Variants in IRAK1BP1 observed in about 807,000 individuals in gnomAD.
The protein encoded by IRAK1BP1 is interleukin-1 receptor-associated kinase 1-binding protein 1.
IRAK1BP1 carries 24 observed loss-of-function variants against 28.0 expected under a neutral mutation model. The observed-to-expected ratio is 0.86, with a 90% CI of 0.62 to 1.20. The LOEUF is 1.20. Ranked by LOEUF, IRAK1BP1 falls within the 50% of genes most tolerant of loss-of-function variation. The pLI is 0.00. For synonymous variants in IRAK1BP1, 131 were observed against 116.3 expected, an observed-to-expected ratio of 1.13 and a Z score of -0.81; for missense variants, 336 against 316.7, an observed-to-expected ratio of 1.06 and a Z score of -0.46.
downstream of IRAK1BP1, among the ~76,000 whole-genome samples, chr6:78,906,612 C>G (rs192960721): frequency 1.9e-4 from 29 of 152,258 alleles, no homozygotes; most frequent in African/African-American, 7.0e-4. Flanking sequence ...AATTTATTGA[C>G]TCACATTCCT....
downstream of IRAK1BP1, among the ~76,000 whole-genome samples, chr6:78,948,248 T>C (rs1773936656): frequency 6.6e-6 from 1 of 152,036 alleles, no homozygotes; most frequent in African/African-American, 2.4e-5. Context: ...AATCTCAACT[T>C]CAGTACTAAA....
At chr6:78,884,251 G>A (rs1253018220) in intron 1 of IRAK1BP1, among the ~76,000 whole-genome samples, 1 of 152,026 alleles carries the variant, frequency 6.6e-6, no homozygotes, top group Admixed American at 6.6e-5. Context: ...TTAAAATTTA[G>A]ATGCAACCAT....
downstream of IRAK1BP1, among the ~76,000 whole-genome samples, chr6:78,906,714 G>GT (rs985165211): frequency 2.6e-5 from 4 of 151,964 alleles, no homozygotes; most frequent in East Asian, 1.9e-4. Context: ...TTGGATTAGG[G>GT]TTTTTTTTCC....
the IRAK1BP1 span, among the ~76,000 whole-genome samples, chr6:78,973,001 C>T: frequency 1.3e-5 from 2 of 152,056 alleles, no homozygotes; most frequent in Non-Finnish European, 2.9e-5. Flanking sequence ...GGCAGGCCAA[C>T]GTTGAGATTC....
At chr6:78,931,257 T>C (rs1049532599) in intron 4 of IRAK1BP1, among the ~76,000 whole-genome samples, 1 of 151,886 alleles carries the variant, frequency 6.6e-6, no homozygotes, top group Non-Finnish European at 1.5e-5. Flanking sequence ...AATCCATCAA[T>C]CAATAAATGC....
intron 4 of IRAK1BP1, chr6:78,936,634 C>T (rs1773280252): frequency 6.6e-6 from 1 of 151,842 alleles, no homozygotes; most frequent in Non-Finnish European, 1.5e-5. Context: ...AGTATTTCAA[C>T]ACAGAGCTAT....
chr6:78,905,729 G>A (rs1422705144), downstream of IRAK1BP1, among the ~76,000 whole-genome samples: 3 of 152,112 alleles, frequency 2.0e-5, no homozygotes, highest in Non-Finnish European at 4.4e-5. Context: ...AGCCTCTCGA[G>A]TAGCTGGGAC....
downstream of IRAK1BP1, chr6:78,946,519 T>C: frequency 7.2e-7 from 1 of 1,383,060 alleles, no homozygotes; most frequent in Non-Finnish European, 9.3e-7. Flanking sequence ...GATTTAGCAG[T>C]TTGAATTTAA....
At chr6:78,868,105 G>A (rs1023208525) in intron 1 of IRAK1BP1, among the ~76,000 whole-genome samples, 1 of 152,192 alleles carries the variant, frequency 6.6e-6, no homozygotes, top group African/African-American at 2.4e-5. Context: ...ATTGGCCTCA[G>A]GCAAATTAAA....
At chr6:78,935,605 A>C in intron 4 of IRAK1BP1, 1 of 978,492 alleles carries the variant, frequency 1.0e-6, no homozygotes, top group South Asian at 4.7e-5. Flanking sequence ...TTAAATGTAC[A>C]CATAAAAAGG....
chr6:78,926,881 T>C (rs1772904081), intron 4 of IRAK1BP1, among the ~76,000 whole-genome samples: 1 of 152,168 alleles, frequency 6.6e-6, no homozygotes, highest in East Asian at 1.9e-4. Context: ...CAGGATCTTA[T>C]TCTTTCGTAT....
At chr6:78,904,956 G>A (rs957139848), downstream of IRAK1BP1, among the ~76,000 whole-genome samples, 6 of 151,946 alleles carry the variant, frequency 3.9e-5, no homozygotes, top group African/African-American at 9.7e-5. Flanking sequence ...GATTCATGTC[G>A]TCCACAAAGA....
the IRAK1BP1 span, among the ~76,000 whole-genome samples, chr6:78,971,878 A>C: frequency 5.3e-5 from 8 of 152,076 alleles, no homozygotes; most frequent in African/African-American, 1.9e-4. Flanking sequence ...GGAGGGTCCT[A>C]CCCCACGGAG....
downstream of IRAK1BP1, among the ~76,000 whole-genome samples, chr6:78,948,149 G>C (rs1773930639): frequency 6.6e-6 from 1 of 152,098 alleles, no homozygotes; most frequent in African/African-American, 2.4e-5. Context: ...CTAAAGGTCT[G>C]ACTCATTAAA....
chr6:78,901,980 G>A lies in IRAK1BP1; in HGVS notation c.*3646G>A, dbSNP rs540456452. 11 of 152,234 alleles carry A rather than the reference G, an allele frequency of 7.2e-5. No homozygotes were observed. Among genetic ancestry groups the A allele is most frequent in the Admixed American group, 3.3e-4 (5 of 15,294 alleles). 9.4% of individuals were successfully genotyped at this position (152,234 alleles called of 1,614,324 possible). On this transcript the variant is annotated 3_prime_UTR_variant, in exon 4 of 4. Transcript: ENST00000369940. ...AGTTCTTATAGCCTATAAAAAGCAT[G>A]AATTATGAGATCAAATGTGGGAGTT...
intron 4 of IRAK1BP1, among the ~76,000 whole-genome samples, chr6:78,926,797 A>G (rs1307371786): frequency 1.3e-5 from 2 of 151,952 alleles, no homozygotes; most frequent in East Asian, 3.9e-4. Flanking sequence ...AGAACATATG[A>G]TGTTTGTCTT....
chr6:78,974,152 A>C, the IRAK1BP1 span, among the ~76,000 whole-genome samples: 2 of 152,112 alleles, frequency 1.3e-5, no homozygotes, highest in African/African-American at 4.8e-5. Context: ...CAAATGTAAA[A>C]GAACAGAAAT....
the IRAK1BP1 span, among the ~76,000 whole-genome samples, chr6:78,964,115 C>A: frequency 3.3e-5 from 5 of 152,204 alleles, no homozygotes; most frequent in Admixed American, 3.3e-4. Context: ...TTCAAACTTT[C>A]TTTTTAATAA....
At chr6:78,937,345 T>G (rs1773312485) in intron 4 of IRAK1BP1, 1 of 151,714 alleles carries the variant, frequency 6.6e-6, no homozygotes, top group African/African-American at 2.4e-5. Flanking sequence ...AAATCATATC[T>G]GAAAACATGT....
Sources: gnomAD v4.1 joint callset for allele counts (sites outside exome capture counted in the v4.1 genomes callset) on GRCh38, gnomAD v4.1.1 for gene constraint, MANE v1.5 for transcripts, NCBI Gene and HGNC (gene_info 2026-07-23, HGNC 2026-07-21) for gene names.